The following ZNF609 variants were observed in gnomAD, a reference collection of about 807,000 sequenced individuals.
The protein encoded by ZNF609 is zinc finger protein 609.
A neutral mutation model predicts 109.5 loss-of-function variants in ZNF609; 11 were observed. The observed-to-expected ratio is 0.10, with a 90% CI of 0.06 to 0.17. The LOEUF is 0.17. Ranked by LOEUF, ZNF609 falls within the 10% of genes least tolerant of loss-of-function variation. The pLI is 1.00. For missense variants in ZNF609, 1,559 were observed against 1,772.4 expected (o/e 0.88, Z 2.16); for synonymous variants, 646 against 662.0 (o/e 0.98, Z 0.37).
intron 1 of ZNF609, among the ~76,000 whole-genome samples, chr15:64,482,261 T>C (rs1407005384): frequency 6.6e-6 from 1 of 152,206 alleles, no homozygotes; most frequent in Non-Finnish European, 1.5e-5. Context: ...TAACTTTTTT[T>C]AAAAGTTTTT....
intron 1 of ZNF609, among the ~76,000 whole-genome samples, chr15:64,469,070 C>T (rs1321238709): frequency 8.6e-6 from 1 of 115,892 alleles, no homozygotes; most frequent in East Asian, 3.0e-4. Flanking sequence ...CACAATTCAG[C>T]CTGGCCAACA....
In ZNF609 at chr15:64,576,971, A is replaced by AAT. The variant is rs71133446; in HGVS notation, c.748-45847_748-45846dup. Among the ~76,000 whole-genome samples the AAT allele has an allele frequency of 1.3e-3, 165 of 131,554 alleles. 3 individuals are homozygous for AAT. Among genetic ancestry groups the AAT allele is most frequent in the African/African-American group, 4.3e-3 (144 of 33,526 alleles). 86.3% of individuals were successfully genotyped at this position (131,554 alleles called of 152,430 possible). On this transcript the variant is annotated intron_variant, in intron 2 of 9. Coordinates refer to ENST00000326648, the MANE Select transcript of ZNF609 (RefSeq NM_015042.2). The stretch of plus-strand genomic sequence containing the variant: ...ATACATATATGTATATATACACATA[A>AAT]ATATATATATGTATGTATACACATA...
intron 2 of ZNF609, among the ~76,000 whole-genome samples, chr15:64,587,224 T>A (rs1296537074): frequency 6.6e-6 from 1 of 152,212 alleles, no homozygotes; most frequent in Non-Finnish European, 1.5e-5. Flanking sequence ...ACCCACCAGT[T>A]GTTGAAATCT....
intron 2 of ZNF609, among the ~76,000 whole-genome samples, chr15:64,530,813 T>C (rs1481777501): frequency 1.3e-5 from 2 of 152,208 alleles, no homozygotes; most frequent in African/African-American, 4.8e-5. Flanking sequence ...TATTAAAGTA[T>C]ACATACCCCT....
At chr15:64,481,324 T>C (rs936727038) in intron 1 of ZNF609, among the ~76,000 whole-genome samples, 2 of 149,352 alleles carry the variant, frequency 1.3e-5, no homozygotes, top group African/African-American at 2.5e-5. Flanking sequence ...TTTTTCTTTT[T>C]TTTTTTTTTT....
chr15:64,468,512 A>G (rs1893046478), intron 1 of ZNF609, among the ~76,000 whole-genome samples: 1 of 151,900 alleles, frequency 6.6e-6, no homozygotes, highest in Non-Finnish European at 1.5e-5. Flanking sequence ...TTGGCCTCCC[A>G]AAGTGCTGGG....
At chr15:64,506,469 C>T (rs1346615069) in intron 2 of ZNF609, among the ~76,000 whole-genome samples, 1 of 148,014 alleles carries the variant, frequency 6.8e-6, no homozygotes, top group Non-Finnish European at 1.5e-5. Flanking sequence ...GCCTATAATC[C>T]CAGCACTTTG....
chr15:64,659,944 C>T (rs1435760993), intron 3 of ZNF609, among the ~76,000 whole-genome samples: 1 of 151,352 alleles, frequency 6.6e-6, no homozygotes, highest in Non-Finnish European at 1.5e-5. Flanking sequence ...AAGCGATTCT[C>T]CTGCCTCAGC....
chr15:64,644,048 G>A (rs1419798646), intron 3 of ZNF609, among the ~76,000 whole-genome samples: 1 of 151,986 alleles, frequency 6.6e-6, no homozygotes, highest in Non-Finnish European at 1.5e-5. Flanking sequence ...TGGCTACAGT[G>A]AGCCATGATC....
At chr15:64,633,711 C>T (rs1896121988) in intron 3 of ZNF609, among the ~76,000 whole-genome samples, 1 of 152,040 alleles carries the variant, frequency 6.6e-6, no homozygotes, top group Non-Finnish European at 1.5e-5. Context: ...TATTTGTTAT[C>T]TGGTCTTTTG....
intron 3 of ZNF609, among the ~76,000 whole-genome samples, chr15:64,646,463 T>G (rs937420923): frequency 4.7e-5 from 7 of 150,148 alleles, no homozygotes; most frequent in African/African-American, 1.7e-4. Flanking sequence ...AAACCCCATC[T>G]CTACTAAAAA....
In ZNF609 at chr15:64,554,293, A is replaced by T. The variant is rs183239798; in HGVS notation, c.747+54127A>T. ...GTGTTTTATCAGGAATGGATGTTAG[A>T]TTTTGCCAAATGCTCTTTCTGGGTT... On this transcript the variant is annotated intron_variant, in intron 2 of 9. Transcript: ENST00000326648. Among the ~76,000 whole-genome samples, 814 of 152,206 alleles carry T rather than the reference A, an allele frequency of 5.3e-3. 12 individuals carry two copies. Among genetic ancestry groups the T allele is most frequent in the African/African-American group, 0.019 (781 of 41,540 alleles).
In ZNF609 at chr15:64,683,743, C is replaced by T. The variant is rs919824353; in HGVS notation, c.*2057C>T. On this transcript the variant is annotated 3_prime_UTR_variant, in exon 10 of 10. Coordinates refer to ENST00000326648, the MANE Select transcript of ZNF609 (RefSeq NM_015042.2). ...CTCCTGTGAGGTGGAGCCAAGGTTC[C>T]CTCTCTGTTCCTGTTTGTTTTTAAA... 3 of 152,234 alleles carry T rather than the reference C, an allele frequency of 2.0e-5. No homozygotes were observed. Among genetic ancestry groups the T allele is most frequent in the South Asian group, 2.1e-4 (1 of 4,830 alleles). 9.4% of individuals were successfully genotyped at this position (152,234 alleles called of 1,614,324 possible). A position where few individuals can be genotyped will look rare whatever the true frequency, so the allele number is the denominator to read the frequency against.
At chr15:64,485,237 A>T (rs1219809166) in intron 1 of ZNF609, among the ~76,000 whole-genome samples, 1 of 152,180 alleles carries the variant, frequency 6.6e-6, no homozygotes, top group Non-Finnish European at 1.5e-5. Context: ...GAAAAAAAAA[A>T]TTCAGCTTTT....
intron 2 of ZNF609, among the ~76,000 whole-genome samples, chr15:64,552,792 G>C (rs1010405213): frequency 2.4e-4 from 37 of 152,234 alleles, no homozygotes; most frequent in African/African-American, 8.7e-4. Flanking sequence ...GGGACTACAG[G>C]CACATGCAAC....
chr15:64,523,708 A>G (rs1488407063), intron 2 of ZNF609, among the ~76,000 whole-genome samples: 5 of 151,886 alleles, frequency 3.3e-5, no homozygotes, highest in Non-Finnish European at 7.4e-5. Context: ...GATTGAAGTG[A>G]GCAGAGATCA....
rs1380882432 is a variant in ZNF609 at position 64,675,476 on chromosome 15, G to T, written c.2622G>T (p.Gly874=). ...ACGCCGAACAGTTGGTTAAAGAAGG[G>T]GCTAAGAAAACTCTTTTTCCCCCTC... ...SKDAEQLVKE[G]AKKTLFPPQP... Residue 874 remains glycine, a synonymous_variant, in exon 5 of 10, where the codon GGG becomes GGT. Coordinates refer to ENST00000326648, the MANE Select transcript of ZNF609 (RefSeq NM_015042.2). The T allele has an allele frequency of 6.2e-7, 1 of 1,613,964 alleles. No homozygotes were observed. Among genetic ancestry groups the T allele is most frequent in the South Asian group, 1.1e-5 (1 of 91,080 alleles).
At position 64,676,008 on chromosome 15, in the gene ZNF609, A is replaced by G. The variant is rs780688751; in HGVS notation, c.3154A>G (p.Lys1052Glu). 12 of 1,614,108 alleles carry G rather than the reference A, an allele frequency of 7.4e-6. No individual in the cohort carries two copies. The Admixed American group carries it at 1.7e-4, about 22-fold the overall frequency. Residue 1052 changes from lysine (K) to glutamate (E), a missense_variant, in exon 5 of 10, where the codon AAG (lysine) becomes GAG (glutamate). By Grantham distance (56) the Lys-to-Glu change is moderately conservative. Around this residue, in one of 4 missense-constraint regions of ZNF609, gnomAD observed 1,204 missense variants for 1,314.1 expected, o/e 0.92. Coordinates refer to ENST00000326648, the MANE Select transcript of ZNF609 (RefSeq NM_015042.2). ...QKPSIPPTLTKAPSLTDLVKS... is the reference protein window; with the variant it reads ...QKPSIPPTLTEAPSLTDLVKS... Reference sequence around the variant, plus strand: ...GCCGTCAATTCCACCAACTCTCACCAAGGCCCCCAGCCTGACAGACCTGGT... The same window carrying G: ...GCCGTCAATTCCACCAACTCTCACCGAGGCCCCCAGCCTGACAGACCTGGT...
intron 2 of ZNF609, among the ~76,000 whole-genome samples, chr15:64,546,390 A>G (rs1434236201): frequency 6.6e-6 from 1 of 151,068 alleles, no homozygotes; most frequent in Non-Finnish European, 1.5e-5. Flanking sequence ...GACTACAGGC[A>G]TGCACCACCA....
Sources: allele counts gnomAD v4.1 joint callset (sites outside exome capture counted in the v4.1 genomes callset), GRCh38; gene constraint gnomAD v4.1.1; regional missense constraint gnomAD v4.1.1; transcripts MANE v1.5; gene names NCBI Gene and HGNC (gene_info 2026-07-23, HGNC 2026-07-21).